The following SNX30 variants were observed in gnomAD, a reference collection of about 807,000 sequenced individuals.
SNX30 encodes the protein sorting nexin-30.
Under a neutral mutation model 46.4 loss-of-function variants are expected in SNX30, and 24 were observed. The ratio of observed to expected loss-of-function variants is 0.52; its 90% CI spans 0.37 to 0.73. The LOEUF (loss-of-function observed/expected upper bound fraction) is 0.73. SNX30 is among the 30% of genes least tolerant of loss of function. SNX30 has a pLI of 0.00. For synonymous variants in SNX30, 189 were observed against 211.5 expected (o/e 0.89, Z 0.92); for missense variants, 533 against 555.7 (o/e 0.96, Z 0.41).
intron 1 of SNX30, among the ~76,000 whole-genome samples, chr9:112,775,542 T>TGTGTGTGTG (rs1839731128): frequency 1.5e-5 from 2 of 131,336 alleles, no homozygotes; most frequent in Admixed American, 7.7e-5. Context: ...TATTTTAAAT[T>TGTGTGTGTG]TGTGTGTGTG....
chr9:112,749,833 T>C (rs949869662), upstream of SNX30, among the ~76,000 whole-genome samples: 2 of 152,212 alleles, frequency 1.3e-5, no homozygotes, highest in Non-Finnish European at 2.9e-5. Flanking sequence ...AGGGAAAATG[T>C]GGTCCCTCAC....
chr9:112,772,030 T>C (rs987091381), intron 1 of SNX30, among the ~76,000 whole-genome samples: 2 of 152,238 alleles, frequency 1.3e-5, no homozygotes, highest in Non-Finnish European at 2.9e-5. Context: ...CCAGACTTTA[T>C]TGGACCCCAT....
intron 1 of SNX30, among the ~76,000 whole-genome samples, chr9:112,794,925 A>G (rs913342788): frequency 2.0e-5 from 3 of 152,208 alleles, no homozygotes; most frequent in African/African-American, 4.8e-5. Context: ...GGAAACCTAC[A>G]TGGTGAAAAT....
chr9:112,806,862 T>C (rs1429203959), intron 2 of SNX30, among the ~76,000 whole-genome samples: 2 of 152,156 alleles, frequency 1.3e-5, no homozygotes, highest in Admixed American at 6.6e-5. Context: ...GATTTCAGTG[T>C]AATGTTGCTT....
intron 3 of SNX30, among the ~76,000 whole-genome samples, chr9:112,828,814 C>T (rs1053010019): frequency 6.6e-6 from 1 of 152,192 alleles, no homozygotes; most frequent in Admixed American, 6.5e-5. Flanking sequence ...TCAGTGGCAT[C>T]AAATACATTC....
At chr9:112,782,396 A>G (rs1211104637) in intron 1 of SNX30, among the ~76,000 whole-genome samples, 1 of 152,126 alleles carries the variant, frequency 6.6e-6, no homozygotes, top group Non-Finnish European at 1.5e-5. Flanking sequence ...AACCATCCTC[A>G]TTTGTTTACC....
At chr9:112,825,066 GT>G (rs1564282018) in intron 3 of SNX30, among the ~76,000 whole-genome samples, 1 of 152,156 alleles carries the variant, frequency 6.6e-6, no homozygotes, top group East Asian at 1.9e-4. Flanking sequence ...CTAAGATTTT[GT>G]TTGAGCACTT....
At chr9:112,841,765 C>A (rs1840863414) in intron 6 of SNX30, among the ~76,000 whole-genome samples, 1 of 152,188 alleles carries the variant, frequency 6.6e-6, no homozygotes, top group Non-Finnish European at 1.5e-5. Context: ...GTGGCTTGCC[C>A]ACCTTTTCAC....
At chr9:112,864,977 G>A (rs1314818470) in intron 8 of SNX30, among the ~76,000 whole-genome samples, 3 of 103,488 alleles carry the variant, frequency 2.9e-5, no homozygotes, top group Non-Finnish European at 5.9e-5. Context: ...AGCAGCGCAC[G>A]CACATGCGCG....
At chr9:112,805,739 G>T (rs898051590) in intron 2 of SNX30, among the ~76,000 whole-genome samples, 3 of 152,170 alleles carry the variant, frequency 2.0e-5, no homozygotes, top group Admixed American at 2.0e-4. Flanking sequence ...AAAGTGCTGG[G>T]ATTACAGGCA....
chr9:112,813,280 T>C (rs542316782), intron 2 of SNX30, among the ~76,000 whole-genome samples: 21 of 151,672 alleles, frequency 1.4e-4, no homozygotes, highest in African/African-American at 5.1e-4. Context: ...CTGGGCAACA[T>C]AGTGAGACGC....
chr9:112,867,286 CCTCCTCCCTCCTCAGAA>C (rs1279513978), intron 8 of SNX30, among the ~76,000 whole-genome samples: 36 of 147,146 alleles, frequency 2.4e-4, no homozygotes, highest in African/African-American at 8.1e-4. Context: ...CCTCAGGATT[CCTCCTCCCTCCTCAGAA>C]CTCCTCCCAC....
At chr9:112,808,761 T>C (rs10117701) in intron 2 of SNX30, among the ~76,000 whole-genome samples, 9,376 of 152,254 alleles carry the variant, frequency 0.062, 695 homozygotes, top group African/African-American at 0.17. Flanking sequence ...ACTTAATACA[T>C]TGTGAACATG....
chr9:112,868,091 A>G (rs540780592), intron 8 of SNX30, among the ~76,000 whole-genome samples: 1 of 152,336 alleles, frequency 6.6e-6, no homozygotes, highest in South Asian at 2.1e-4. Flanking sequence ...TGTCTGGGCC[A>G]GTTATTTAAC....
At chr9:112,784,196 G>T (rs1839885584) in intron 1 of SNX30, among the ~76,000 whole-genome samples, 1 of 152,056 alleles carries the variant, frequency 6.6e-6, no homozygotes, top group African/African-American at 2.4e-5. Context: ...TGCCTCTCCT[G>T]GCACCTACCC....
chr9:112,775,688 G>A (rs1210182928), intron 1 of SNX30, among the ~76,000 whole-genome samples: 1 of 151,050 alleles, frequency 6.6e-6, no homozygotes, highest in East Asian at 1.9e-4. Context: ...CTGTCAGCAG[G>A]TTTCCCTCCT....
At chr9:112,821,113 A>G (rs1840485404) in intron 3 of SNX30, among the ~76,000 whole-genome samples, 1 of 152,226 alleles carries the variant, frequency 6.6e-6, no homozygotes, top group African/African-American at 2.4e-5. Context: ...ACTGTTTTCA[A>G]AAGTGATGAC....
At chr9:112,821,067 C>T (rs184500090) in intron 3 of SNX30, among the ~76,000 whole-genome samples, 112 of 152,190 alleles carry the variant, frequency 7.4e-4, no homozygotes, top group Non-Finnish European at 1.4e-3. Flanking sequence ...TTGAATCATA[C>T]ATAACTCTAT....
chr9:112,867,533 C>T (rs1026088503), intron 8 of SNX30, among the ~76,000 whole-genome samples: 6 of 151,712 alleles, frequency 4.0e-5, no homozygotes, highest in African/African-American at 1.5e-4. Flanking sequence ...CCTCCCACCT[C>T]CTCAGAATTC....
Sources: allele counts gnomAD v4.1 joint callset (sites outside exome capture counted in the v4.1 genomes callset), GRCh38; gene constraint gnomAD v4.1.1; transcripts MANE v1.5; gene names NCBI Gene and HGNC (gene_info 2026-07-23, HGNC 2026-07-21).